Variants in APH1B observed in about 807,000 individuals in gnomAD.
APH1B encodes gamma-secretase subunit APH-1B.
Under a neutral mutation model 28.2 loss-of-function variants are expected in APH1B, and 27 were observed. The ratio of observed to expected loss-of-function variants is 0.96; its 90% CI spans 0.70 to 1.32. APH1B has a LOEUF of 1.32. APH1B is among the 40% of genes most tolerant of loss of function. The pLI, the probability that APH1B is intolerant of heterozygous loss-of-function variation, is 0.00. For synonymous variants in APH1B, 141 were observed against 124.6 expected (o/e 1.13, Z -0.88); for missense variants, 305 against 313.6 (o/e 0.97, Z 0.21).
At chr15:63,298,684 T>C (rs2038592849) in intron 4 of APH1B, among the ~76,000 whole-genome samples, 1 of 152,166 alleles carries the variant, frequency 6.6e-6, no homozygotes, top group South Asian at 2.1e-4. Context: ...TAAAAAGATA[T>C]GGATTGCCAA....
At chr15:63,291,344 T>C (rs2038505024) in intron 4 of APH1B, among the ~76,000 whole-genome samples, 1 of 152,224 alleles carries the variant, frequency 6.6e-6, no homozygotes, top group African/African-American at 2.4e-5. Flanking sequence ...GAACAGCTGA[T>C]CATTTTATTT....
rs2038689859 is a variant in APH1B, at chr15:63,306,550, T to A, written c.*769T>A. The A allele has an allele frequency of 6.6e-6, 1 of 152,264 alleles. No homozygotes were observed. Among genetic ancestry groups the A allele is most frequent in the African/African-American group, 2.4e-5 (1 of 41,462 alleles). 9.4% of individuals were successfully genotyped at this position (152,264 alleles called of 1,614,324 possible). On this transcript the variant is annotated 3_prime_UTR_variant, in exon 6 of 6. Coordinates refer to ENST00000261879, the MANE Select transcript of APH1B (RefSeq NM_031301.4). ...AAATCAGGAATTTTTATGCAATGTCTATAAGCCTGTTTAAAGCTTTCCATG... is the reference window on the plus strand; with the variant it reads ...AAATCAGGAATTTTTATGCAATGTCAATAAGCCTGTTTAAAGCTTTCCATG...
At position 63,305,673 on chromosome 15, in the gene APH1B, C is replaced by G. The variant is rs768494021; in HGVS notation, c.666C>G (p.Leu222=). 6.2e-7 allele frequency: 1 copy of G among 1,614,226 alleles called. No homozygotes were observed. Among genetic ancestry groups the G allele is most frequent in the Non-Finnish European group, 8.5e-7 (1 of 1,180,042 alleles). Residue 222 remains leucine (L), a synonymous_variant, in exon 6 of 6, where the codon CTC becomes CTG. Transcript: ENST00000261879. ...CGTCAGCATTTATAATCCTGGTGCT[C>G]ATGGGCACCTGGGCATTCTTAGCTG... is the stretch of plus-strand genomic sequence containing the variant. The part of the protein sequence containing the change: ...NLASAFIILV[L]MGTWAFLAAG...
intron 2 of APH1B, among the ~76,000 whole-genome samples, chr15:63,282,349 A>G (rs1053943355): frequency 6.6e-6 from 1 of 152,200 alleles, no homozygotes; most frequent in African/African-American, 2.4e-5. Context: ...TTATAAATAT[A>G]TGGAATTGGA....
chr15:63,302,537 A>G lies in APH1B; in HGVS notation c.606+65A>G, dbSNP rs2038644002. 16 of 1,542,156 alleles carry G rather than the reference A, an allele frequency of 1.0e-5. No homozygotes were observed. In the East Asian group the frequency reaches 3.7e-4, roughly 36 times the overall value. On this transcript the variant is annotated intron_variant, in intron 5 of 5. Transcript: ENST00000261879. ...CAAGTCTATGTATCTAAAATGGTAA[A>G]TTCTACTCTAGATGAAATACACGCT...
intron 2 of APH1B, among the ~76,000 whole-genome samples, chr15:63,283,973 C>G (rs2038417881): frequency 6.6e-6 from 1 of 152,142 alleles, no homozygotes; most frequent in Non-Finnish European, 1.5e-5. Flanking sequence ...TCATCTTGCA[C>G]TCTTGTTGAA....
intron 4 of APH1B, among the ~76,000 whole-genome samples, chr15:63,294,141 A>T (rs1454759860): frequency 6.6e-6 from 1 of 151,826 alleles, no homozygotes; most frequent in Non-Finnish European, 1.5e-5. Flanking sequence ...TGAGCAGGAT[A>T]CCATATTACA....
chr15:63,304,103 T>C lies in APH1B; in HGVS notation c.607-1511T>C, dbSNP rs118172187. Among the ~76,000 whole-genome samples, 11 of 152,344 alleles carry C rather than the reference T, an allele frequency of 7.2e-5. No individual in the cohort carries two copies. Among genetic ancestry groups the C allele is most frequent in the Non-Finnish European group, 1.6e-4 (11 of 68,036 alleles). On this transcript the variant is annotated intron_variant, in intron 5 of 5. Coordinates refer to ENST00000261879, the MANE Select transcript of APH1B (RefSeq NM_031301.4). This position sits in a 1 kb window ranked among gnomAD's most constrained non-coding sequence, Gnocchi z 5.1. The stretch of plus-strand genomic sequence containing the variant: ...TCCTGCTGGCTATGTCATGGTATCA[T>C]AAATACATAAATTGATAAATTATAG...
chr15:63,280,935 G>A (rs2038379521), intron 2 of APH1B, among the ~76,000 whole-genome samples: 1 of 152,184 alleles, frequency 6.6e-6, no homozygotes, highest in South Asian at 2.1e-4. Context: ...AATTGCTTGA[G>A]CTGAGGATTT....
At chr15:63,302,563 C>A in intron 5 of APH1B, 91 bp downstream of exon 5, 1 of 1,442,918 alleles carries the variant, frequency 6.9e-7, no homozygotes, top group Non-Finnish European at 9.2e-7. Flanking sequence ...AATACACGCT[C>A]ATGAGAACAT....
At chr15:63,296,595 G>C (rs1474233528) in intron 4 of APH1B, among the ~76,000 whole-genome samples, 2 of 152,104 alleles carry the variant, frequency 1.3e-5, no homozygotes, top group East Asian at 1.9e-4. Flanking sequence ...TTATGAATCT[G>C]TGTGTTAGAG....
chr15:63,299,741 A>G (rs186984757), intron 4 of APH1B, among the ~76,000 whole-genome samples: 15 of 152,140 alleles, frequency 9.9e-5, no homozygotes, highest in African/African-American at 3.6e-4. Flanking sequence ...GGCCTTGACT[A>G]TAGGAGCATA....
chr15:63,303,874 A>AACACACACACAC lies in APH1B; in HGVS notation c.606+1425_606+1436dup, dbSNP rs113837395. 2.7e-3 allele frequency among the ~76,000 whole-genome samples: 395 copies of AACACACACACAC among 145,698 alleles called. 2 individuals are homozygous for AACACACACACAC. Among genetic ancestry groups the AACACACACACAC allele is most frequent in the Non-Finnish European group, 4.3e-3 (286 of 66,350 alleles). On this transcript the variant is annotated intron_variant, in intron 5 of 5. Coordinates refer to ENST00000261879, the MANE Select transcript of APH1B (RefSeq NM_031301.4). ...TTGGTGAACACACACACACACACAC[A>AACACACACACAC]ACACACACACACACACACACACACA...
intron 2 of APH1B, among the ~76,000 whole-genome samples, chr15:63,283,669 T>G: frequency 6.6e-6 from 1 of 152,232 alleles, no homozygotes; most frequent in African/African-American, 2.4e-5. Flanking sequence ...TAGTGTCCTT[T>G]GTAGCATCAA....
At chr15:63,293,591 A>G (rs983970969) in intron 4 of APH1B, among the ~76,000 whole-genome samples, 10 of 150,460 alleles carry the variant, frequency 6.6e-5, no homozygotes, top group African/African-American at 1.5e-4. Context: ...TCCGCCTTCC[A>G]GGTTCAAGCG....
intron 2 of APH1B, among the ~76,000 whole-genome samples, chr15:63,281,588 T>A (rs973968999): frequency 3.3e-5 from 5 of 150,462 alleles, no homozygotes; most frequent in Admixed American, 1.3e-4. Context: ...GAATTTAAAG[T>A]TTAGGACTTG....
Position 63,304,762 on chromosome 15 carries a change from A to C in APH1B, c.607-852A>C, listed in dbSNP as rs1210400751. Among the ~76,000 whole-genome samples, 1 of 152,230 alleles carries C rather than the reference A, an allele frequency of 6.6e-6. No individual in the cohort carries two copies. The highest frequency in any genetic ancestry group is 2.4e-5 in the African/African-American group (1 of 41,460). On this transcript the variant is annotated intron_variant, in intron 5 of 5. Transcript: ENST00000261879. The surrounding 1 kb of genome is among the most constrained non-coding windows in gnomAD (Gnocchi z 5.1). ...TTTAAAAGAGGAAAAATGTTTTTTA[A>C]AGAAGAGAAGAACAATACAAAACAG...
chr15:63,277,796 C>T (rs2038340933), intron 1 of APH1B, 60 bp downstream of exon 1: 2 of 1,522,118 alleles, frequency 1.3e-6, no homozygotes, highest in African/African-American at 1.4e-5. Context: ...CTGGGGTTAC[C>T]CGCGACCCTC....
intron 4 of APH1B, among the ~76,000 whole-genome samples, chr15:63,296,063 C>T (rs16946755): frequency 0.011 from 1,731 of 152,212 alleles, 29 homozygotes; most frequent in African/African-American, 0.039. Flanking sequence ...TAAATCAGGC[C>T]GCAGAATTCT....
Sources: allele counts gnomAD v4.1 joint callset (sites outside exome capture counted in the v4.1 genomes callset), GRCh38; gene constraint gnomAD v4.1.1; non-coding constraint Gnocchi (gnomAD v3.1); transcripts MANE v1.5; gene names NCBI Gene and HGNC (gene_info 2026-07-23, HGNC 2026-07-21).